TJP3: variants seen among roughly 807,000 people sequenced by gnomAD.
TJP3 encodes tight junction protein 3.
TJP3 carries 85 observed loss-of-function variants against 104.2 expected under a neutral mutation model. That is an observed-to-expected ratio of 0.82 (90% CI 0.68 to 0.98). The LOEUF (loss-of-function observed/expected upper bound fraction) is 0.98. Ranked by LOEUF, TJP3 falls within the 50% of genes least tolerant of loss-of-function variation. The pLI, the probability that TJP3 is intolerant of heterozygous loss-of-function variation, is 0.00. For synonymous variants in TJP3, 550 were observed against 550.6 expected, an observed-to-expected ratio of 1.00 and a Z score of 0.02; for missense variants, 1,367 against 1,322.8, an observed-to-expected ratio of 1.03 and a Z score of -0.52.
At chr19:3,729,227 C>G (rs1338349272) in intron 3 of TJP3, among the ~76,000 whole-genome samples, 1 of 151,994 alleles carries the variant, frequency 6.6e-6, no homozygotes, top group African/African-American at 2.4e-5. Flanking sequence ...CCCCAGAGCC[C>G]TTTTGGAACA....
rs1048883604 is a variant in TJP3 at position 3,730,573 on chromosome 19, T to C, written c.480T>C (p.His160=). ...GTCGCCGGGGCCGGGCCGGCAGCCA[T>C]GGGCGTAGGAGCCCAGGTGGTGGCT... ...RPGRRGRAGS[H]GRRSPGGGSE... The change falls in exon 5 of 21, where the codon CAT becomes CAC. Residue 160 remains histidine, a synonymous_variant. Coordinates refer to ENST00000541714, the MANE Select transcript of TJP3 (RefSeq NM_001267560.2). This position sits in a 1 kb window ranked among gnomAD's most constrained non-coding sequence, Gnocchi z 7.3. 10 of 1,608,654 alleles carry C rather than the reference T, an allele frequency of 6.2e-6. No homozygotes were observed. Among genetic ancestry groups the C allele is most frequent in the Non-Finnish European group, 8.5e-6 (10 of 1,179,188 alleles).
chr19:3,728,297 G>A, intron 1 of TJP3, 127 bp from the exon 2 acceptor site: 2 of 1,459,988 alleles, frequency 1.4e-6, no homozygotes, highest in Admixed American at 2.1e-5. Flanking sequence ...GAGAGAGGTA[G>A]TAACTTGTCA....
Position 3,713,420 on chromosome 19 carries a change from C to G in TJP3, c.-10+4859C>G, listed in dbSNP as rs186817260. ...CTGCAAAAGACCTGCCCAGCACAGA[C>G]TAACAGGTCACAGAACAGGAAAGAC... is the stretch of plus-strand genomic sequence containing the variant. On this transcript the variant is annotated intron_variant, in intron 1 of 20. Transcript: ENST00000541714. Among the ~76,000 whole-genome samples the G allele has an allele frequency of 4.4e-3, 664 of 152,334 alleles. 3 individuals are homozygous for G. Among genetic ancestry groups the G allele is most frequent in the African/African-American group, 0.015 (608 of 41,564 alleles).
chr19:3,746,987 CTG>C lies in TJP3; in HGVS notation c.2322+114_2322+115del. 1 of 1,058,688 alleles carries C rather than the reference CTG, an allele frequency of 9.4e-7. No homozygotes were observed. The highest frequency in any genetic ancestry group is 1.4e-5 in the South Asian group (1 of 70,552). 65.6% of individuals were successfully genotyped at this position (1,058,688 alleles called of 1,614,324 possible). ...GTTAGGGCTTGGTCAGGGATCAGGA[CTG>C]TGGCCAGAGTCAAGATGGGACCTGA... On this transcript the variant is annotated intron_variant, in intron 18 of 20. Transcript: ENST00000541714. The surrounding 1 kb of genome is among the most constrained non-coding windows in gnomAD (Gnocchi z 4.1).
intron 14 of TJP3, among the ~76,000 whole-genome samples, chr19:3,742,126 A>C (rs2036830128): frequency 6.6e-6 from 1 of 152,088 alleles, no homozygotes; most frequent in South Asian, 2.1e-4. Flanking sequence ...TAGCAATAAT[A>C]ATAATTTTAA....
chr19:3,709,466 C>T lies in TJP3; in HGVS notation c.-10+905C>T, dbSNP rs1043245195. Among the ~76,000 whole-genome samples the T allele has an allele frequency of 4.6e-5, 7 of 152,102 alleles. No individual in the cohort carries two copies. The South Asian group carries it at 1.2e-3, about 27-fold the overall frequency. On this transcript the variant is annotated intron_variant, in intron 1 of 20. Coordinates refer to ENST00000541714, the MANE Select transcript of TJP3 (RefSeq NM_001267560.2). ...GGGGCAGAGGGGAAGGAGGAAGGAG[C>T]GCTCAGAGCCAGAGAGGGGAGGGGT...
chr19:3,709,751 T>A (rs2036416306), intron 1 of TJP3, among the ~76,000 whole-genome samples: 1 of 152,112 alleles, frequency 6.6e-6, no homozygotes, highest in Non-Finnish European at 1.5e-5. Flanking sequence ...GTGGGCGACA[T>A]GGATCCCACC....
intron 1 of TJP3, among the ~76,000 whole-genome samples, chr19:3,723,797 GAAA>G (rs71339060): frequency 4.1e-4 from 52 of 125,768 alleles, no homozygotes; most frequent in East Asian, 2.1e-3. Flanking sequence ...TGTCTCAAAA[GAAA>G]AAAAAAAAAT....
intron 13 of TJP3, 129 bp downstream of exon 13, chr19:3,739,263 G>T (rs1193752816): frequency 1.0e-5 from 8 of 781,170 alleles, no homozygotes; most frequent in East Asian, 5.7e-5. Context: ...AGGCTGAAGT[G>T]GGCAGATCAT....
chr19:3,739,004 G>GTCTT lies in TJP3; in HGVS notation c.1502_1505dup (p.His503LeufsTer29). The GTCTT allele has an allele frequency of 6.2e-7, 1 of 1,613,106 alleles. No individual in the cohort carries two copies. Among genetic ancestry groups the GTCTT allele is most frequent in the Non-Finnish European group, 8.5e-7 (1 of 1,179,834 alleles). ...TGGCCTGGGCTTCACCCGTGGCGAC[G>GTCTT]TCTTCCACGTGCTGGACACGCTGCA... On this transcript the variant is annotated frameshift_variant, in exon 13 of 21. Coordinates refer to ENST00000541714, the MANE Select transcript of TJP3 (RefSeq NM_001267560.2). LOFTEE classifies it high-confidence loss of function.
chr19:3,730,143 C>T lies in TJP3; in HGVS notation c.261+13C>T, dbSNP rs765808878. The T allele has an allele frequency of 6.2e-7, 1 of 1,612,368 alleles. No individual in the cohort carries two copies. The highest frequency in any genetic ancestry group is 1.1e-5 in the South Asian group (1 of 91,064). ...GATGGCCAACATCGTGAGTAGGCAG[C>T]CCCTGGCATGGCCAGCATCTCTGAC... On this transcript the variant is annotated intron_variant, in intron 4 of 20. Transcript: ENST00000541714. This position sits in a 1 kb window ranked among gnomAD's most constrained non-coding sequence, Gnocchi z 7.3.
At chr19:3,747,143 C>T (rs1003317799) in intron 18 of TJP3, among the ~76,000 whole-genome samples, 8 of 152,024 alleles carry the variant, frequency 5.3e-5, no homozygotes, top group Non-Finnish European at 1.2e-4. Flanking sequence ...TTGCTGCAAC[C>T]TCCGCCTCCC....
At chr19:3,745,960 G>T in intron 15 of TJP3, 51 bp from the exon 16 acceptor site, 1 of 1,491,940 alleles carries the variant, frequency 6.7e-7, no homozygotes, top group South Asian at 1.2e-5. Flanking sequence ...ATGAATTTGA[G>T]GGGACGGGGG....
At chr19:3,734,194 C>G in intron 7 of TJP3, 133 bp from the exon 8 acceptor site, 1 of 1,034,982 alleles carries the variant, frequency 9.7e-7, no homozygotes, top group Non-Finnish European at 1.4e-6. Flanking sequence ...GCTCCAGAGC[C>G]GAATCTTCTA....
At chr19:3,740,852 C>G (rs1196668390) in intron 14 of TJP3, 89 bp downstream of exon 14, 1 of 1,289,442 alleles carries the variant, frequency 7.8e-7, no homozygotes, top group African/African-American at 1.5e-5. Flanking sequence ...CTAAAAGGCA[C>G]AGTCTTGGCC....
chr19:3,715,325 G>A (rs1262719409), intron 1 of TJP3, among the ~76,000 whole-genome samples: 4 of 152,052 alleles, frequency 2.6e-5, no homozygotes, highest in East Asian at 1.9e-4. Flanking sequence ...TCCTGACCTC[G>A]TGATCCGCCC....
intron 13 of TJP3, 71 bp downstream of exon 13, chr19:3,739,205 G>A (rs909366927): frequency 1.4e-5 from 20 of 1,392,606 alleles, no homozygotes; most frequent in Admixed American, 9.2e-5. Context: ...AAATGGGCTC[G>A]ATTGGGCTGG....
intron 6 of TJP3, among the ~76,000 whole-genome samples, chr19:3,733,034 C>G (rs1440024490): frequency 1.3e-5 from 2 of 150,894 alleles, no homozygotes; most frequent in African/African-American, 4.9e-5. Context: ...TCTCTTTTTT[C>G]TTTTCTTTTC....
intron 1 of TJP3, among the ~76,000 whole-genome samples, chr19:3,719,049 T>C (rs1034859350): frequency 6.6e-6 from 1 of 151,524 alleles, no homozygotes; most frequent in Non-Finnish European, 1.5e-5. Context: ...CCACGCGTGG[T>C]GGCCGGCGCC....
Sources: allele counts gnomAD v4.1 joint callset (sites outside exome capture counted in the v4.1 genomes callset), GRCh38; gene constraint gnomAD v4.1.1; non-coding constraint Gnocchi (gnomAD v3.1); transcripts MANE v1.5; gene names NCBI Gene and HGNC (gene_info 2026-07-23, HGNC 2026-07-21).